The following HLCS variants were observed in gnomAD, a reference collection of about 807,000 sequenced individuals.
HLCS encodes the protein biotin--protein ligase.
HLCS carries 53 observed loss-of-function variants against 75.0 expected under a neutral mutation model. The ratio of observed to expected loss-of-function variants is 0.71; its 90% confidence interval spans 0.57 to 0.89. The LOEUF is 0.89. Among genes scored for constraint, HLCS ranks in the 40% least tolerant of loss-of-function variants. The pLI, the probability that HLCS is intolerant of heterozygous loss-of-function variation, is 0.00. For missense variants in HLCS, 966 were observed against 1,074.0 expected (o/e 0.90, Z 1.41); for synonymous variants, 431 against 428.6 (o/e 1.01, Z -0.07).
At chr21:36,865,913 A>G (rs1361476996) in intron 6 of HLCS, among the ~76,000 whole-genome samples, 1 of 152,244 alleles carries the variant, frequency 6.6e-6, no homozygotes, top group African/African-American at 2.4e-5. Flanking sequence ...TGAGCTTGTA[A>G]AAGCTCAAGT....
chr21:36,935,249 G>T (rs1244690846), intron 4 of HLCS, among the ~76,000 whole-genome samples: 1 of 152,194 alleles, frequency 6.6e-6, no homozygotes, highest in Non-Finnish European at 1.5e-5. Flanking sequence ...GCCTCCAAAA[G>T]CTAATTCATG....
chr21:36,840,522 T>A (rs191707184), intron 6 of HLCS, among the ~76,000 whole-genome samples: 54 of 152,338 alleles, frequency 3.5e-4, no homozygotes, highest in African/African-American at 1.2e-3. Flanking sequence ...ATTTTAAAAC[T>A]AAGTAGTGAC....
chr21:36,768,096 G>A (rs577681119), intron 6 of HLCS, among the ~76,000 whole-genome samples: 9 of 152,306 alleles, frequency 5.9e-5, no homozygotes, highest in African/African-American at 1.9e-4. Flanking sequence ...TCCTCTCTAC[G>A]TGCCCAGGAA....
intron 6 of HLCS, among the ~76,000 whole-genome samples, chr21:36,818,852 C>T (rs1424484752): frequency 6.6e-6 from 1 of 152,098 alleles, no homozygotes; most frequent in Middle Eastern, 3.2e-3. Flanking sequence ...TCCTTACAGG[C>T]GAAAATCTGA....
At chr21:36,888,552 A>T (rs895201992) in intron 6 of HLCS, among the ~76,000 whole-genome samples, 1 of 144,774 alleles carries the variant, frequency 6.9e-6, no homozygotes, top group African/African-American at 2.6e-5. Flanking sequence ...CATTTGTAGA[A>T]AGTCAACTGT....
chr21:36,892,371 T>G (rs565440541), intron 6 of HLCS, among the ~76,000 whole-genome samples: 2,357 of 152,312 alleles, frequency 0.015, 59 homozygotes, highest in African/African-American at 0.053. Context: ...GGAAACATAG[T>G]GGCCGCCAGT....
upstream of HLCS, among the ~76,000 whole-genome samples, chr21:36,971,343 A>C (rs916506834): frequency 6.6e-6 from 1 of 152,150 alleles, no homozygotes; most frequent in African/African-American, 2.4e-5. Flanking sequence ...AGGAACTAGA[A>C]ATCCTTGGAG....
chr21:36,799,006 T>C (rs757473450), intron 6 of HLCS, among the ~76,000 whole-genome samples: 3 of 152,076 alleles, frequency 2.0e-5, no homozygotes, highest in Non-Finnish European at 4.4e-5. Context: ...CTGTGTTTTA[T>C]AAAAAAAAGA....
intron 6 of HLCS, among the ~76,000 whole-genome samples, chr21:36,895,408 G>A (rs76143168): frequency 6.0e-4 from 91 of 152,280 alleles, no homozygotes; most frequent in Admixed American, 1.4e-3. Flanking sequence ...GGAATCAATG[G>A]ATGTCAGGGG....
At chr21:36,839,437 C>T (rs1021642007) in intron 6 of HLCS, among the ~76,000 whole-genome samples, 2 of 152,202 alleles carry the variant, frequency 1.3e-5, no homozygotes, top group African/African-American at 4.8e-5. Context: ...CAAGAACTTG[C>T]TTTTCTTTCT....
chr21:36,923,773 C>G (rs568566419), intron 5 of HLCS, among the ~76,000 whole-genome samples: 1 of 152,240 alleles, frequency 6.6e-6, no homozygotes, highest in African/African-American at 2.4e-5. Context: ...ATTTCTTTTG[C>G]AATTCAACAT....
intron 6 of HLCS, among the ~76,000 whole-genome samples, chr21:36,823,610 G>GGTGTGTGT (rs59724760): frequency 0.015 from 2,042 of 132,802 alleles, 36 homozygotes; most frequent in Non-Finnish European, 0.019. Context: ...AAACGTGCAG[G>GGTGTGTGT]GTGTGTGTGT....
intron 1 of HLCS, among the ~76,000 whole-genome samples, chr21:36,980,173 T>C (rs78768306): frequency 0.028 from 4,020 of 144,214 alleles, 98 homozygotes; most frequent in African/African-American, 0.071. Flanking sequence ...GCCTGAGCAA[T>C]GGAGTGAGAC....
chr21:36,949,364 C>T (rs1601847545), intron 2 of HLCS, among the ~76,000 whole-genome samples: 1 of 152,334 alleles, frequency 6.6e-6, no homozygotes, highest in East Asian at 1.9e-4. Context: ...GGGAGCTCAG[C>T]CAGGGCTGTC....
chr21:36,970,746 A>G (rs1362030212), upstream of HLCS, among the ~76,000 whole-genome samples: 1 of 152,054 alleles, frequency 6.6e-6, no homozygotes, highest in Non-Finnish European at 1.5e-5. Context: ...TAATCCCAGC[A>G]CTTTGGGAGG....
intron 2 of HLCS, among the ~76,000 whole-genome samples, chr21:36,955,604 A>T (rs2067897635): frequency 1.4e-5 from 2 of 147,962 alleles, no homozygotes; most frequent in Admixed American, 6.6e-5. Context: ...CAAAAATTTT[A>T]AAAAATCAAG....
intron 6 of HLCS, among the ~76,000 whole-genome samples, chr21:36,801,683 G>A (rs1287228707): frequency 6.6e-6 from 1 of 152,108 alleles, no homozygotes; most frequent in Non-Finnish European, 1.5e-5. Flanking sequence ...TCCTAGTCAA[G>A]GGATGCACAA....
chr21:36,975,818 C>A (rs1009068107), intron 1 of HLCS, among the ~76,000 whole-genome samples: 1 of 152,134 alleles, frequency 6.6e-6, no homozygotes, highest in African/African-American at 2.4e-5. Flanking sequence ...CTAACCGGGT[C>A]TCCCTCATTG....
chr21:36,915,528 G>A (rs1056936436), intron 5 of HLCS, among the ~76,000 whole-genome samples: 9 of 152,046 alleles, frequency 5.9e-5, no homozygotes, highest in East Asian at 5.8e-4. Flanking sequence ...AGAGGGGAGC[G>A]GCGTCCAACA....
Sources: allele counts gnomAD v4.1 joint callset (sites outside exome capture counted in the v4.1 genomes callset), GRCh38; gene constraint gnomAD v4.1.1; transcripts MANE v1.5; gene names NCBI Gene and HGNC (gene_info 2026-07-23, HGNC 2026-07-21).